Variants in PPP2R5E observed in about 807,000 individuals in gnomAD.
The protein encoded by PPP2R5E is protein phosphatase 2 regulatory subunit B'epsilon, also known as serine/threonine-protein phosphatase 2A 56 kDa regulatory subunit epsilon isoform.
Under a neutral mutation model 65.3 loss-of-function variants are expected in PPP2R5E, and 4 were observed. That is an observed-to-expected ratio of 0.06 (90% CI 0.03 to 0.14). PPP2R5E has a LOEUF of 0.14. Among genes scored for constraint, PPP2R5E ranks in the 10% least tolerant of loss-of-function variants. The probability of loss-of-function intolerance (pLI) is 1.00; values close to 1 mark genes in which losing one functional copy is unlikely to be tolerated. For missense variants in PPP2R5E, 274 were observed against 556.1 expected (o/e 0.49, Z 5.10); for synonymous variants, 183 against 187.4 (o/e 0.98, Z 0.19).
At chr14:63,525,641 G>C (rs911182055) in intron 2 of PPP2R5E, among the ~76,000 whole-genome samples, 8 of 152,132 alleles carry the variant, frequency 5.3e-5, no homozygotes, top group African/African-American at 1.7e-4. Flanking sequence ...TCTGCACAGA[G>C]ACACAAAATA....
intron 2 of PPP2R5E, among the ~76,000 whole-genome samples, chr14:63,476,557 T>A (rs934602486): frequency 6.6e-5 from 10 of 152,148 alleles, no homozygotes; most frequent in African/African-American, 2.4e-4. Context: ...CTCAATCAGT[T>A]CAAATATCAC....
chr14:63,414,052 G>A (rs532571264), intron 5 of PPP2R5E, among the ~76,000 whole-genome samples: 1 of 152,150 alleles, frequency 6.6e-6, no homozygotes, highest in African/African-American at 2.4e-5. Context: ...GATGTAGAGA[G>A]GCCTCCATGC....
chr14:63,491,174 A>T (rs1891268817), intron 2 of PPP2R5E, among the ~76,000 whole-genome samples: 1 of 152,178 alleles, frequency 6.6e-6, no homozygotes, highest in African/African-American at 2.4e-5. Flanking sequence ...GGAGCTAAAC[A>T]TTGGGTACAC....
intron 2 of PPP2R5E, among the ~76,000 whole-genome samples, chr14:63,457,880 A>C (rs968742848): frequency 6.6e-6 from 1 of 152,138 alleles, no homozygotes; most frequent in African/African-American, 2.4e-5. Context: ...GGTTTCCAGA[A>C]TATGTTTCTC....
chr14:63,521,395 G>A (rs766747119), intron 2 of PPP2R5E, among the ~76,000 whole-genome samples: 3 of 152,186 alleles, frequency 2.0e-5, no homozygotes, highest in South Asian at 2.1e-4. Flanking sequence ...TTGGCCGGGC[G>A]CAGTGGCTCA....
Position 63,371,935 on chromosome 14 carries a change from C to T in PPP2R5E, c.*4074G>A, listed in dbSNP as rs1387680204. On this transcript the variant is annotated 3_prime_UTR_variant, in exon 14 of 14. Transcript: ENST00000337537. ...CATTATACTTCAATCAAAAATCAGA[C>T]AACAACCAGAAAATGCATTGGTAAT... 2.0e-5 allele frequency: 3 copies of T among 151,970 alleles called. No homozygotes were observed. The highest frequency in any genetic ancestry group is 2.9e-5 in the Non-Finnish European group (2 of 68,018). The allele number at this position is 151,970 out of a possible 1,614,324, so 9.4% of individuals were successfully genotyped here.
At chr14:63,452,877 ACTC>A (rs1888921623) in intron 3 of PPP2R5E, 1 of 152,030 alleles carries the variant, frequency 6.6e-6, no homozygotes, top group African/African-American at 2.4e-5. Flanking sequence ...CCTGCAATGG[ACTC>A]CTCAACGATG....
intron 3 of PPP2R5E, among the ~76,000 whole-genome samples, chr14:63,447,772 G>C (rs1009098240): frequency 6.6e-6 from 1 of 152,044 alleles, no homozygotes; most frequent in African/African-American, 2.4e-5. Flanking sequence ...TCTAGCTTTT[G>C]ATTTAAAATG....
At chr14:63,434,745 T>C (rs1887870607) in intron 3 of PPP2R5E, among the ~76,000 whole-genome samples, 1 of 152,234 alleles carries the variant, frequency 6.6e-6, no homozygotes, top group African/African-American at 2.4e-5. Context: ...CACCTCCCCA[T>C]TCTTTCAAGA....
intron 2 of PPP2R5E, among the ~76,000 whole-genome samples, chr14:63,511,305 C>G (rs138621501): frequency 0.014 from 2,113 of 152,308 alleles, 36 homozygotes; most frequent in Middle Eastern, 0.075. Flanking sequence ...GAGAACCCCA[C>G]AAGCCACCAT....
chr14:63,429,537 A>C (rs987477040), intron 3 of PPP2R5E, among the ~76,000 whole-genome samples: 1 of 152,224 alleles, frequency 6.6e-6, no homozygotes, highest in Non-Finnish European at 1.5e-5. Context: ...TTTCTCATCC[A>C]GTTTATGTAT....
In PPP2R5E at chr14:63,491,225, G is replaced by A. The variant is rs377269040; in HGVS notation, c.158-37340C>T. On this transcript the variant is annotated intron_variant, in intron 2 of 13. Transcript: ENST00000337537. Reference sequence around the variant, plus strand: ...CGAACAATAAACACTGGGGACTTTAGAAGGGGGAAGCCAGGTGGCAAGGGT... The same window carrying A: ...CGAACAATAAACACTGGGGACTTTAAAAGGGGGAAGCCAGGTGGCAAGGGT... 2.0e-5 allele frequency among the ~76,000 whole-genome samples: 3 copies of A among 148,338 alleles called. No homozygotes were observed. In the South Asian group the frequency reaches 6.3e-4, roughly 31 times the overall value.
intron 3 of PPP2R5E, among the ~76,000 whole-genome samples, chr14:63,429,581 G>T (rs978758884): frequency 6.6e-6 from 1 of 152,122 alleles, no homozygotes; most frequent in African/African-American, 2.4e-5. Context: ...GCATTAGAAA[G>T]AAACCAAAAT....
At chr14:63,419,790 CA>C (rs1262201193) in intron 4 of PPP2R5E, among the ~76,000 whole-genome samples, 1 of 152,192 alleles carries the variant, frequency 6.6e-6, no homozygotes, top group Non-Finnish European at 1.5e-5. Context: ...TAACCTTGAA[CA>C]GGATGTCAAC....
At chr14:63,498,211 G>T (rs376394010) in intron 2 of PPP2R5E, among the ~76,000 whole-genome samples, 1 of 152,298 alleles carries the variant, frequency 6.6e-6, no homozygotes. Context: ...AGGTCCTAAA[G>T]ACAAACAGTG....
chr14:63,538,166 C>T (rs1387957751), intron 2 of PPP2R5E, among the ~76,000 whole-genome samples: 1 of 152,036 alleles, frequency 6.6e-6, no homozygotes, highest in East Asian at 1.9e-4. Flanking sequence ...TTCTGTAGTC[C>T]CAGCTACTCG....
chr14:63,415,371 T>C (rs886659842), intron 4 of PPP2R5E, 139 bp from the exon 5 acceptor site: 1 of 494,970 alleles, frequency 2.0e-6, no homozygotes, highest in South Asian at 5.1e-5. Flanking sequence ...CAGGCCAGCC[T>C]TTCTTGTGGC....
At chr14:63,511,030 A>G (rs1892431281) in intron 2 of PPP2R5E, among the ~76,000 whole-genome samples, 1 of 152,244 alleles carries the variant, frequency 6.6e-6, no homozygotes, top group African/African-American at 2.4e-5. Flanking sequence ...AGTCCCAAGT[A>G]CATTTATGGC....
chr14:63,413,124 C>T (rs538976735), intron 5 of PPP2R5E, among the ~76,000 whole-genome samples: 6 of 152,282 alleles, frequency 3.9e-5, no homozygotes, highest in African/African-American at 1.2e-4. Flanking sequence ...ATACATAACC[C>T]AAAATGTCCT....
Sources: gnomAD v4.1 joint callset for allele counts (sites outside exome capture counted in the v4.1 genomes callset) on GRCh38, gnomAD v4.1.1 for gene constraint, MANE v1.5 for transcripts, NCBI Gene and HGNC (gene_info 2026-07-23, HGNC 2026-07-21) for gene names.